HLCS: variants seen among roughly 807,000 people sequenced by gnomAD.
The protein encoded by HLCS is holocarboxylase synthetase.
In HLCS, 53 loss-of-function variants were observed where a neutral mutation model predicts 75.0. The observed-to-expected ratio is 0.71, with a 90% CI of 0.57 to 0.89. HLCS has a LOEUF of 0.89. HLCS is among the 40% of genes least tolerant of loss of function. HLCS has a pLI of 0.00. For missense variants in HLCS, 966 were observed against 1,074.0 expected, an observed-to-expected ratio of 0.90 and a Z score of 1.41; for synonymous variants, 431 against 428.6, an observed-to-expected ratio of 1.01 and a Z score of -0.07.
At chr21:36,800,156 C>G (rs1428579514) in intron 6 of HLCS, among the ~76,000 whole-genome samples, 3 of 152,140 alleles carry the variant, frequency 2.0e-5, no homozygotes, top group African/African-American at 7.2e-5. Context: ...GCCAGCTTGA[C>G]CCCACCACTC....
intron 5 of HLCS, among the ~76,000 whole-genome samples, chr21:36,908,492 T>C (rs1260930732): frequency 2.6e-5 from 4 of 152,142 alleles, no homozygotes; most frequent in East Asian, 1.9e-4. Context: ...AATGGTACAA[T>C]GGTTTTGAAA....
intron 1 of HLCS, among the ~76,000 whole-genome samples, chr21:36,977,500 A>T (rs2068971846): frequency 6.6e-6 from 1 of 152,226 alleles, no homozygotes; most frequent in Non-Finnish European, 1.5e-5. Context: ...TTTCACTTTT[A>T]AAGGGTTTGC....
At chr21:36,826,347 TG>T (rs1232208840) in intron 6 of HLCS, among the ~76,000 whole-genome samples, 1 of 152,152 alleles carries the variant, frequency 6.6e-6, no homozygotes, top group Non-Finnish European at 1.5e-5. Flanking sequence ...GTGAGATACG[TG>T]GATCTCCAGA....
chr21:36,975,865 C>T lies in HLCS; in HGVS notation c.-392-13695G>A, dbSNP rs147744795. Among the ~76,000 whole-genome samples, 14 of 152,340 alleles carry T rather than the reference C, an allele frequency of 9.2e-5. No homozygotes were observed. In the East Asian group the frequency reaches 2.7e-3, roughly 29 times the overall value. ...CTTATTCCACGTTCATTCTGCACCT[C>T]CTGCACACGAGGTGCTATGCCAATT... On this transcript the variant is annotated intron_variant, in intron 1 of 11. Transcript: ENST00000336648.
At chr21:36,848,248 A>C (rs1482030774) in intron 6 of HLCS, among the ~76,000 whole-genome samples, 1 of 151,466 alleles carries the variant, frequency 6.6e-6, no homozygotes, top group Admixed American at 6.6e-5. Context: ...TCTTTTCTCC[A>C]TAACTTTGCC....
At chr21:36,956,290 T>C (rs1601870543) in intron 2 of HLCS, among the ~76,000 whole-genome samples, 1 of 152,082 alleles carries the variant, frequency 6.6e-6, no homozygotes, top group Admixed American at 6.5e-5. Flanking sequence ...GGTGAGTTCA[T>C]GGGTATTTAT....
chr21:36,964,040 T>A (rs372972091), intron 1 of HLCS, among the ~76,000 whole-genome samples: 3 of 151,884 alleles, frequency 2.0e-5, no homozygotes, highest in East Asian at 2.0e-4. Context: ...TGGCCAACAC[T>A]TTGGTGAAAC....
intron 1 of HLCS, among the ~76,000 whole-genome samples, chr21:36,989,208 C>T (rs1268204576): frequency 6.6e-6 from 1 of 150,998 alleles, no homozygotes; most frequent in African/African-American, 2.4e-5. Flanking sequence ...GGGGTTTTCG[C>T]CATGTTGGCC....
intron 5 of HLCS, among the ~76,000 whole-genome samples, chr21:36,916,643 A>G (rs2065946673): frequency 1.3e-5 from 2 of 150,336 alleles, no homozygotes; most frequent in African/African-American, 4.9e-5. Flanking sequence ...AAGTGCTGAG[A>G]TTACGGGCAT....
In HLCS at chr21:36,759,780, C is replaced by T; in HGVS notation, c.2183G>A (p.Gly728Asp). Residue 728 changes from glycine (G) to aspartate (D), a missense_variant, in exon 9 of 11, where the codon GGC becomes GAC. Coordinates refer to ENST00000674895, the MANE Select transcript of HLCS (RefSeq NM_001352514.2). ...GAGTGTTGAGTTAACCAGAACTCCG[C>T]CGATCTTCATGAGGTCACTGTAATA... ...DIYYSDLMKIGGVLVNSTLMG... is the reference protein window; with the variant it reads ...DIYYSDLMKIDGVLVNSTLMG... 6.2e-7 allele frequency: 1 copy of T among 1,613,824 alleles called. No individual in the cohort carries two copies. The highest frequency in any genetic ancestry group is 8.5e-7 in the Non-Finnish European group (1 of 1,179,686).
intron 6 of HLCS, among the ~76,000 whole-genome samples, chr21:36,787,686 G>T (rs1402146474): frequency 6.6e-6 from 1 of 152,180 alleles, no homozygotes; most frequent in African/African-American, 2.4e-5. Context: ...ACCAGGCGCT[G>T]CTTCCTGGTC....
intron 6 of HLCS, among the ~76,000 whole-genome samples, chr21:36,827,128 T>C (rs1569066298): frequency 1.3e-5 from 2 of 151,870 alleles, no homozygotes; most frequent in Non-Finnish European, 2.9e-5. Context: ...GGCTGGGAAA[T>C]AGAGGTGCCT....
At chr21:36,818,220 T>A (rs576119028) in intron 6 of HLCS, among the ~76,000 whole-genome samples, 62 of 152,348 alleles carry the variant, frequency 4.1e-4, no homozygotes, top group Non-Finnish European at 6.8e-4. Flanking sequence ...GAGCAATCTA[T>A]CAGACTAGTT....
intron 6 of HLCS, among the ~76,000 whole-genome samples, chr21:36,778,687 C>T (rs1252473153): frequency 6.6e-6 from 1 of 152,190 alleles, no homozygotes; most frequent in Admixed American, 6.5e-5. Flanking sequence ...TTCTTCTCCC[C>T]TCCACTTATT....
At chr21:36,773,627 T>G (rs1460133781) in intron 6 of HLCS, among the ~76,000 whole-genome samples, 1 of 152,170 alleles carries the variant, frequency 6.6e-6, no homozygotes, top group Admixed American at 6.5e-5. Flanking sequence ...ACCCCCCAGT[T>G]TTCTCAGCTC....
intron 6 of HLCS, among the ~76,000 whole-genome samples, chr21:36,872,105 T>C (rs547553263): frequency 6.6e-6 from 1 of 152,304 alleles, no homozygotes; most frequent in East Asian, 1.9e-4. Context: ...TGCCTTTCAA[T>C]GTAAATTGCA....
rs1008037922 is a variant in HLCS, at chr21:36,750,358, TTA to T, written c.*3886_*3887del. The stretch of plus-strand genomic sequence containing the variant: ...GGGCCTCCCAGGGAAAGGAATTCCT[TTA>T]TGTTCTTGGAAGCCCTTTTCTAGAA... On this transcript the variant is annotated 3_prime_UTR_variant, in exon 11 of 11. Transcript: ENST00000674895. Among the ~76,000 whole-genome samples, 1 of 152,242 alleles carries T rather than the reference TTA, an allele frequency of 6.6e-6. No homozygotes were observed. The highest frequency in any genetic ancestry group is 1.5e-5 in the Non-Finnish European group (1 of 68,034).
chr21:36,918,898 T>G (rs2066043280), intron 5 of HLCS, among the ~76,000 whole-genome samples: 1 of 152,224 alleles, frequency 6.6e-6, no homozygotes, highest in African/African-American at 2.4e-5. Flanking sequence ...CATACACATG[T>G]GCTTATTATA....
intron 8 of HLCS, among the ~76,000 whole-genome samples, chr21:36,762,943 T>C (rs565039822): frequency 6.6e-6 from 1 of 152,388 alleles, no homozygotes; most frequent in Admixed American, 6.5e-5. Flanking sequence ...CAGACTCATT[T>C]AATGTTCTCG....
Sources: gnomAD v4.1 joint callset for allele counts (sites outside exome capture counted in the v4.1 genomes callset) on GRCh38, gnomAD v4.1.1 for gene constraint, MANE v1.5 for transcripts, NCBI Gene and HGNC (gene_info 2026-07-23, HGNC 2026-07-21) for gene names.